The following ACIN1 variants were observed in gnomAD, a reference collection of about 807,000 sequenced individuals.
The protein encoded by ACIN1 is apoptotic chromatin condensation inducer in the nucleus.
In ACIN1, 16 loss-of-function variants were observed where a neutral mutation model predicts 146.6. That is an observed-to-expected ratio of 0.11 (90% confidence interval 0.07 to 0.17). The LOEUF (loss-of-function observed/expected upper bound fraction) is 0.17. Ranked by LOEUF, ACIN1 falls within the 10% of genes least tolerant of loss-of-function variation. The probability of loss-of-function intolerance (pLI) is 1.00; values close to 1 mark genes in which losing one functional copy is unlikely to be tolerated. For missense variants in ACIN1, 1,357 were observed against 1,609.3 expected (o/e 0.84, Z 2.68); for synonymous variants, 569 against 582.7 (o/e 0.98, Z 0.34).
chr14:23,094,593 C>G (rs2048320128), intron 1 of ACIN1: 1 of 960,370 alleles, frequency 1.0e-6, no homozygotes, highest in Non-Finnish European at 1.2e-6. Context: ...ATACCCCTAA[C>G]TCCGACCCAG....
chr14:23,067,514 A>T lies in ACIN1; in HGVS notation c.2266-1506T>A, dbSNP rs2047496006. ...GGGGCGCAGGGGGGGCGGGAGGGAA[A>T]CGTGTGGGGGGACGCTGCCCAGTTT... is the stretch of plus-strand genomic sequence containing the variant. On this transcript the variant is annotated intron_variant, in intron 9 of 18. Transcript: ENST00000605057. The surrounding 1 kb of genome is among the most constrained non-coding windows in gnomAD (Gnocchi z 4.6). 1.0e-6 allele frequency: 1 copy of T among 982,828 alleles called. No homozygotes were observed. The highest frequency in any genetic ancestry group is 1.8e-5 in the African/African-American group (1 of 56,580). 60.9% of individuals were successfully genotyped at this position (982,828 alleles called of 1,614,324 possible).
At chr14:23,066,741 G>A (rs959287426) in intron 9 of ACIN1, among the ~76,000 whole-genome samples, 6 of 152,174 alleles carry the variant, frequency 3.9e-5, no homozygotes, top group Non-Finnish European at 5.9e-5. Context: ...TCCAGCCACC[G>A]CAGGGAGCTC....
rs764185266 is a variant in ACIN1 at position 23,079,584 on chromosome 14, C to CGTGAAT, written c.1750_1751insATTCAC (p.Ser583_Arg584insHisSer). On this transcript the variant is annotated inframe_insertion, in exon 6 of 19. Transcript: ENST00000605057. The stretch of plus-strand genomic sequence containing the variant: ...GCTTGATGCTGAACGAGAACGTGAA[C>CGTGAAT]GTGACCTTGATCTGGACTCTGATGT... 32 of 1,453,002 alleles carry CGTGAAT rather than the reference C, an allele frequency of 2.2e-5. No individual in the cohort carries two copies. Among genetic ancestry groups the CGTGAAT allele is most frequent in the Middle Eastern group, 3.5e-4 (2 of 5,678 alleles). The allele number at this position is 1,453,002 out of a possible 1,614,324, so 90.0% of individuals were successfully genotyped here.
In ACIN1 at chr14:23,089,891, T is replaced by C. The variant is rs1238115253; in HGVS notation, c.436+91A>G. 1.4e-5 allele frequency: 19 copies of C among 1,378,266 alleles called. No individual in the cohort carries two copies. The East Asian group carries it at 1.7e-4, about 13-fold the overall frequency. 85.4% of individuals were successfully genotyped at this position (1,378,266 alleles called of 1,614,324 possible). On this transcript the variant is annotated intron_variant, in intron 4 of 18. Transcript: ENST00000605057. Reference sequence around the variant, plus strand: ...TCACAGAATTTCCCTGGGACTTTCATGGAGGCTTAGCATGAAAGGAGGTGT... The same window carrying C: ...TCACAGAATTTCCCTGGGACTTTCACGGAGGCTTAGCATGAAAGGAGGTGT...
chr14:23,083,720 C>T (rs1361869561), intron 4 of ACIN1, among the ~76,000 whole-genome samples: 3 of 152,094 alleles, frequency 2.0e-5, no homozygotes, highest in East Asian at 1.9e-4. Flanking sequence ...CAGAGCGAGA[C>T]TCCGTCTCAA....
Position 23,067,287 on chromosome 14 carries a change from A to T in ACIN1, c.2266-1279T>A, listed in dbSNP as rs1166250327. The T allele has an allele frequency of 1.0e-6, 1 of 985,046 alleles. No homozygotes were observed. Among genetic ancestry groups the T allele is most frequent in the Admixed American group, 6.1e-5 (1 of 16,272 alleles). The allele number at this position is 985,046 out of a possible 1,614,324, so 61.0% of individuals were successfully genotyped here. ...AAGAAGAAAATAAACTAGGAATATGACAAATGTTCCAGGTACCATCTCACA... is the reference window on the plus strand; with the variant it reads ...AAGAAGAAAATAAACTAGGAATATGTCAAATGTTCCAGGTACCATCTCACA... On this transcript the variant is annotated intron_variant, in intron 9 of 18. Transcript: ENST00000605057. The surrounding 1 kb of genome is among the most constrained non-coding windows in gnomAD (Gnocchi z 4.6).
At chr14:23,066,056 C>A (rs2047444227) in intron 9 of ACIN1, 48 bp from the exon 10 acceptor site, 1 of 1,543,500 alleles carries the variant, frequency 6.5e-7, no homozygotes, top group East Asian at 2.2e-5. Context: ...AGAGACACCC[C>A]ACAGAGAGGG....
At chr14:23,089,497 TA>T (rs1321968004) in intron 4 of ACIN1, among the ~76,000 whole-genome samples, 1 of 152,222 alleles carries the variant, frequency 6.6e-6, no homozygotes, top group Non-Finnish European at 1.5e-5. Flanking sequence ...CAACTGTAAC[TA>T]ATGTCCATGT....
chr14:23,069,818 G>A (rs988112045), intron 8 of ACIN1, among the ~76,000 whole-genome samples: 8 of 152,180 alleles, frequency 5.3e-5, no homozygotes, highest in African/African-American at 1.4e-4. Context: ...GGGAAAGAGC[G>A]TGGATCACAG....
Position 23,058,966 on chromosome 14 carries a change from G to A in ACIN1, c.*182C>T, listed in dbSNP as rs2047179670. ...GGGAGGGTCGGGCTAAGTCCCAAGA[G>A]ATAGGTTAAGGGGGTGTGTTTGGGG... On this transcript the variant is annotated 3_prime_UTR_variant, in exon 19 of 19. Coordinates refer to ENST00000605057, the MANE Select transcript of ACIN1 (RefSeq NM_001386863.1). 3 of 605,474 alleles carry A rather than the reference G, an allele frequency of 5.0e-6. No individual in the cohort carries two copies. The highest frequency in any genetic ancestry group is 3.7e-5 in the African/African-American group (2 of 54,218). 37.5% of individuals were successfully genotyped at this position (605,474 alleles called of 1,614,324 possible).
chr14:23,067,032 G>A lies in ACIN1; in HGVS notation c.2266-1024C>T, dbSNP rs1003631467. On this transcript the variant is annotated intron_variant, in intron 9 of 18. Transcript: ENST00000605057. This position sits in a 1 kb window ranked among gnomAD's most constrained non-coding sequence, Gnocchi z 4.6. Reference sequence around the variant, plus strand: ...ATCCCTTTCCCATCCACCCCCACCCGCAGCCCCGTTTGTGTCGTCTAACCA... The same window carrying A: ...ATCCCTTTCCCATCCACCCCCACCCACAGCCCCGTTTGTGTCGTCTAACCA... 6.6e-6 allele frequency among the ~76,000 whole-genome samples: 1 copy of A among 151,870 alleles called. No homozygotes were observed. The highest frequency in any genetic ancestry group is 1.5e-5 in the Non-Finnish European group (1 of 67,960).
intron 8 of ACIN1, chr14:23,071,713 T>C: frequency 2.9e-6 from 2 of 700,394 alleles, no homozygotes; most frequent in Non-Finnish European, 4.5e-6. Flanking sequence ...CTGGCCTTCT[T>C]TTCTCAAGTT....
rs150167676 is a variant in ACIN1 at position 23,065,643 on chromosome 14, T to C, written c.2308+323A>G. Among the ~76,000 whole-genome samples the C allele has an allele frequency of 1.2e-3, 188 of 152,304 alleles. 1 individual carries two copies. Among genetic ancestry groups the C allele is most frequent in the African/African-American group, 4.1e-3 (172 of 41,550 alleles). The stretch of plus-strand genomic sequence containing the variant: ...AATTCATAAACTGCTAAGCATCACA[T>C]AGGAGTCCCTGAAACTCATTCCTTG... On this transcript the variant is annotated intron_variant, in intron 10 of 18. Transcript: ENST00000605057.
At chr14:23,065,287 T>C (rs982485967) in intron 10 of ACIN1, among the ~76,000 whole-genome samples, 1 of 152,206 alleles carries the variant, frequency 6.6e-6, no homozygotes, top group Non-Finnish European at 1.5e-5. Flanking sequence ...GGTGCTCTCT[T>C]AGAATAACGC....
Position 23,079,616 on chromosome 14 carries a change from G to A in ACIN1, c.1719C>T (p.Ser573=), listed in dbSNP as rs780197048. Residue 573 remains serine, a synonymous_variant, in exon 6 of 19, where the codon TCC becomes TCT. Coordinates refer to ENST00000605057, the MANE Select transcript of ACIN1 (RefSeq NM_001386863.1). ...TTGATCTGGACTCTGATGTTGATCT[G>A]GAGCCCATCTTGGGTCTACCACGAG... ...ANPRGRPKMG[S]RSTSESRSRS... The A allele has an allele frequency of 4.3e-6, 7 of 1,614,140 alleles. No individual in the cohort carries two copies. Among genetic ancestry groups the A allele is most frequent in the Non-Finnish European group, 5.9e-6 (7 of 1,180,030 alleles).
intron 1 of ACIN1, 99 bp downstream of exon 1, chr14:23,094,876 A>C: frequency 1.4e-6 from 2 of 1,464,654 alleles, no homozygotes; most frequent in African/African-American, 1.4e-5. Flanking sequence ...GGCCTGAGCG[A>C]GCTCGCGCCG....
intron 8 of ACIN1, chr14:23,071,010 ATGAC>A (rs1348043780): frequency 1.6e-6 from 2 of 1,222,948 alleles, no homozygotes; most frequent in East Asian, 2.6e-5. Context: ...GGAAGGCAGA[ATGAC>A]TGAAAACAAA....
upstream of ACIN1, chr14:23,095,315 C>G (rs767043442): frequency 4.5e-6 from 7 of 1,566,656 alleles, no homozygotes; most frequent in Non-Finnish European, 6.1e-6. Context: ...TCCATCCGCC[C>G]TGCAGCGCCC....
chr14:23,068,690 G>A lies in ACIN1; in HGVS notation c.2265+786C>T. ...TGAGGTACTTGGACAAAGTTTTACG[G>A]GGAAGAAGGACCTTGTAATAAATAA... On this transcript the variant is annotated intron_variant, in intron 9 of 18. Coordinates refer to ENST00000605057, the MANE Select transcript of ACIN1 (RefSeq NM_001386863.1). The surrounding 1 kb of genome is among the most constrained non-coding windows in gnomAD (Gnocchi z 4.3). 1 of 985,768 alleles carries A rather than the reference G, an allele frequency of 1.0e-6. No individual in the cohort carries two copies. The highest frequency in any genetic ancestry group is 1.7e-5 in the African/African-American group (1 of 57,346). 61.1% of individuals were successfully genotyped at this position (985,768 alleles called of 1,614,324 possible). A position where few individuals can be genotyped will look rare whatever the true frequency, so the allele number is the denominator to read the frequency against.
Sources: gnomAD v4.1 joint callset for allele counts (sites outside exome capture counted in the v4.1 genomes callset) on GRCh38, gnomAD v4.1.1 for gene constraint, Gnocchi (gnomAD v3.1) non-coding constraint, MANE v1.5 for transcripts, NCBI Gene and HGNC (gene_info 2026-07-23, HGNC 2026-07-21) for gene names.